Variants in NCKAP5 observed in about 807,000 individuals in gnomAD.
The protein encoded by NCKAP5 is nck-associated protein 5.
A neutral mutation model predicts 167.0 loss-of-function variants in NCKAP5; 92 were observed. The observed-to-expected ratio is 0.55, with a 90% CI of 0.47 to 0.66. The LOEUF (loss-of-function observed/expected upper bound fraction) is 0.66, where lower values mean the gene tolerates loss of function less well. Among genes scored for constraint, NCKAP5 ranks in the 30% least tolerant of loss-of-function variants. The probability of loss-of-function intolerance (pLI) is 0.00; values close to 1 mark genes in which losing one functional copy is unlikely to be tolerated. For missense variants in NCKAP5, 2,378 were observed against 2,315.0 expected (o/e 1.03, Z -0.56); for synonymous variants, 891 against 877.4 (o/e 1.02, Z -0.27).
chr2:133,177,244 G>A (rs947815294), intron 5 of NCKAP5, among the ~76,000 whole-genome samples: 6 of 150,842 alleles, frequency 4.0e-5, no homozygotes, highest in African/African-American at 9.8e-5. Flanking sequence ...TGATCACAGC[G>A]TTGTAAGGCT....
At chr2:132,921,872 C>A (rs1695461182) in intron 8 of NCKAP5, among the ~76,000 whole-genome samples, 1 of 152,196 alleles carries the variant, frequency 6.6e-6, no homozygotes. Flanking sequence ...TGCATTCCAA[C>A]CCCATGGCCT....
At chr2:132,691,288 G>A (rs976904) in intron 19 of NCKAP5, among the ~76,000 whole-genome samples, 60,940 of 151,928 alleles carry the variant, frequency 0.4, 13,997 homozygotes, top group East Asian at 0.55. Flanking sequence ...CTTAGAAACT[G>A]TAAATCAGGT....
At chr2:132,944,105 A>G (rs558762984) in intron 8 of NCKAP5, among the ~76,000 whole-genome samples, 133 of 152,212 alleles carry the variant, frequency 8.7e-4, no homozygotes, top group Non-Finnish European at 1.6e-3. Context: ...CAGGGACTTG[A>G]ACCGTGTCTT....
In NCKAP5 at chr2:132,790,090, C is replaced by G. The variant is rs764852232; in HGVS notation, c.1025G>C (p.Ser342Thr). ...GCCACTGGAGTACTCGCTGCAGGTGCTTGAAAGAGACAGTTCACTGCTGCT... is the reference window on the plus strand; with the variant it reads ...GCCACTGGAGTACTCGCTGCAGGTGGTTGAAAGAGACAGTTCACTGCTGCT... The part of the protein sequence containing the change: ...YSSSSELSLS[S>T]TCSEYSSGSS... Residue 342 changes from serine (S) to threonine (T), a missense_variant, in exon 13 of 20, where the codon AGC (serine) becomes ACC (threonine). Physicochemically the swap from Ser to Thr is moderately conservative, Grantham distance 58. Transcript: ENST00000409261. 44 of 1,613,264 alleles carry G rather than the reference C, an allele frequency of 2.7e-5. No homozygotes were observed. The highest frequency in any genetic ancestry group is 3.5e-5 in the Non-Finnish European group (41 of 1,179,634).
intron 6 of NCKAP5, among the ~76,000 whole-genome samples, chr2:133,049,008 C>T (rs1019770447): frequency 2.6e-5 from 4 of 152,140 alleles, no homozygotes; most frequent in Admixed American, 2.0e-4. Context: ...CTACGATCAA[C>T]CAGAACTCCA....
At chr2:132,735,872 A>C (rs1691460029) in intron 16 of NCKAP5, among the ~76,000 whole-genome samples, 1 of 152,188 alleles carries the variant, frequency 6.6e-6, no homozygotes, top group African/African-American at 2.4e-5. Context: ...GGTAGAAAAA[A>C]TGTTGAAGGT....
intron 6 of NCKAP5, among the ~76,000 whole-genome samples, chr2:133,081,490 C>T (rs2149592822): frequency 6.6e-6 from 1 of 152,274 alleles, no homozygotes; most frequent in African/African-American, 2.4e-5. Context: ...TTTCTAGTCC[C>T]TTGCATCCAA....
In NCKAP5 at chr2:133,188,477, A is replaced by G. The variant is rs563284812; in HGVS notation, c.207+25239T>C. On this transcript the variant is annotated intron_variant, in intron 5 of 19. Transcript: ENST00000409261. ...ACTCTCCACCCCAAATCAACAGAATATACATTCCTCTCAACACCATATCGC... is the reference window on the plus strand; with the variant it reads ...ACTCTCCACCCCAAATCAACAGAATGTACATTCCTCTCAACACCATATCGC... 3.9e-5 allele frequency among the ~76,000 whole-genome samples: 6 copies of G among 152,224 alleles called. No homozygotes were observed. In the South Asian group the frequency reaches 1.2e-3, roughly 32 times the overall value.
At chr2:132,847,771 G>T (rs756644628) in intron 11 of NCKAP5, among the ~76,000 whole-genome samples, 1 of 152,148 alleles carries the variant, frequency 6.6e-6, no homozygotes, top group East Asian at 1.9e-4. Flanking sequence ...CATATGTGAA[G>T]CAAAATGAGC....
At chr2:133,261,484 CA>C (rs1393973766) in intron 4 of NCKAP5, among the ~76,000 whole-genome samples, 1 of 152,184 alleles carries the variant, frequency 6.6e-6, no homozygotes, top group African/African-American at 2.4e-5. Context: ...GTTTCTGACA[CA>C]GACCAGGTCT....
chr2:133,218,426 C>G (rs1375954220), intron 4 of NCKAP5, among the ~76,000 whole-genome samples: 1 of 152,120 alleles, frequency 6.6e-6, no homozygotes, highest in Non-Finnish European at 1.5e-5. Context: ...CTAGAAAACT[C>G]CACTCATGGA....
intron 2 of NCKAP5, among the ~76,000 whole-genome samples, 194 bp downstream of exon 2, chr2:133,558,856 T>C (rs1163123458): frequency 2.0e-5 from 3 of 152,066 alleles, no homozygotes; most frequent in African/African-American, 7.2e-5. Context: ...AAGGGAACTG[T>C]TGACATTTGA....
At chr2:132,854,412 G>C (rs1689305805) in intron 11 of NCKAP5, among the ~76,000 whole-genome samples, 1 of 152,260 alleles carries the variant, frequency 6.6e-6, no homozygotes, top group Non-Finnish European at 1.5e-5. Flanking sequence ...GTGAGTAGGA[G>C]ATTGAGTGGG....
At chr2:133,273,204 C>T (rs1320927176) in intron 4 of NCKAP5, among the ~76,000 whole-genome samples, 1 of 152,154 alleles carries the variant, frequency 6.6e-6, no homozygotes, top group Non-Finnish European at 1.5e-5. Flanking sequence ...ACAGCCTCTC[C>T]AACACTTTTA....
intron 6 of NCKAP5, among the ~76,000 whole-genome samples, chr2:132,996,259 CCAAA>C (rs771729058): frequency 3.9e-5 from 6 of 152,156 alleles, no homozygotes; most frequent in Middle Eastern, 3.2e-3. Context: ...TTTTGTTATT[CCAAA>C]CAATCAACAT....
At chr2:133,403,027 T>A (rs1168892569) in intron 3 of NCKAP5, among the ~76,000 whole-genome samples, 1 of 152,172 alleles carries the variant, frequency 6.6e-6, no homozygotes, top group Non-Finnish European at 1.5e-5. Context: ...TATGTCCCAA[T>A]GAAGAAAGAT....
At chr2:132,834,406 G>A (rs984837381) in intron 11 of NCKAP5, among the ~76,000 whole-genome samples, 10 of 152,020 alleles carry the variant, frequency 6.6e-5, no homozygotes, top group East Asian at 3.9e-4. Flanking sequence ...GAGCAGTGGC[G>A]CGATCTCGGC....
intron 12 of NCKAP5, among the ~76,000 whole-genome samples, chr2:132,795,953 G>A (rs1204378780): frequency 6.7e-6 from 1 of 148,476 alleles, no homozygotes; most frequent in African/African-American, 2.5e-5. Flanking sequence ...TAGATTGGAT[G>A]CCATTAGGTC....
intron 4 of NCKAP5, among the ~76,000 whole-genome samples, chr2:133,256,860 G>A (rs2088643933): frequency 2.0e-5 from 3 of 152,266 alleles, no homozygotes; most frequent in Middle Eastern, 3.4e-3. Flanking sequence ...TTCTCTCCTA[G>A]ATTCATATAG....
Sources: gnomAD v4.1 joint callset for allele counts (sites outside exome capture counted in the v4.1 genomes callset) on GRCh38, gnomAD v4.1.1 for gene constraint, MANE v1.5 for transcripts, NCBI Gene and HGNC (gene_info 2026-07-23, HGNC 2026-07-21) for gene names.